ITCH: variants seen among roughly 807,000 people sequenced by gnomAD.
ITCH encodes E3 ubiquitin-protein ligase Itchy homolog.
A neutral mutation model predicts 126.8 loss-of-function variants in ITCH; 28 were observed. The ratio of observed to expected loss-of-function variants is 0.22; its 90% CI spans 0.16 to 0.30. The LOEUF (loss-of-function observed/expected upper bound fraction) is 0.30. Ranked by LOEUF, ITCH falls within the 10% of genes least tolerant of loss-of-function variation. ITCH has a pLI of 1.00. For synonymous variants in ITCH, 342 were observed against 340.0 expected, an observed-to-expected ratio of 1.01 and a Z score of -0.06; for missense variants, 631 against 1,032.4, an observed-to-expected ratio of 0.61 and a Z score of 5.33.
intron 11 of ITCH, among the ~76,000 whole-genome samples, chr20:34,448,378 G>A (rs1270431474): frequency 6.6e-6 from 1 of 151,760 alleles, no homozygotes; most frequent in South Asian, 2.1e-4. Flanking sequence ...GGGCGACAGA[G>A]TGAGACTCCA....
intron 1 of ITCH, among the ~76,000 whole-genome samples, chr20:34,366,545 C>T: frequency 6.6e-6 from 1 of 152,012 alleles, no homozygotes; most frequent in East Asian, 1.9e-4. Context: ...AAGTATAATG[C>T]TAAAAATTTG....
At chr20:34,446,911 T>C (rs1388784003) in intron 11 of ITCH, among the ~76,000 whole-genome samples, 1 of 152,336 alleles carries the variant, frequency 6.6e-6, no homozygotes, top group Admixed American at 6.5e-5. Flanking sequence ...AATACAGATA[T>C]AAAATTGCCT....
chr20:34,439,300 G>C (rs995876618), intron 8 of ITCH, among the ~76,000 whole-genome samples: 2 of 151,916 alleles, frequency 1.3e-5, no homozygotes, highest in Non-Finnish European at 2.9e-5. Flanking sequence ...TTTTGAGACA[G>C]GGTCTCACTC....
chr20:34,451,867 A>G (rs1985289567), intron 12 of ITCH, among the ~76,000 whole-genome samples: 1 of 152,060 alleles, frequency 6.6e-6, no homozygotes, highest in South Asian at 2.1e-4. Flanking sequence ...CGGGAGTTGG[A>G]GATCAGCCTG....
intron 22 of ITCH, 91 bp from the exon 23 acceptor site, chr20:34,492,406 AAAAT>A: frequency 4.5e-6 from 4 of 887,012 alleles, no homozygotes; most frequent in Middle Eastern, 6.5e-4. Flanking sequence ...ACCTCTAAAA[AAAAT>A]AAAAGATTTG....
In ITCH at chr20:34,440,617, C is replaced by T. The variant is rs571062500; in HGVS notation, c.869+273C>T. 9.2e-5 allele frequency among the ~76,000 whole-genome samples: 14 copies of T among 152,038 alleles called. No homozygotes were observed. In the South Asian group the frequency reaches 1.7e-3, roughly 18 times the overall value. ...GATTACAGGTGTGCACTACCAAGCC[C>T]GGCTAATTTTTGTATTTTTAGTAGG... is the stretch of plus-strand genomic sequence containing the variant. On this transcript the variant is annotated intron_variant, in intron 9 of 24. Transcript: ENST00000374864.
intron 10 of ITCH, among the ~76,000 whole-genome samples, chr20:34,443,889 A>G (rs1205196074): frequency 6.6e-6 from 1 of 152,100 alleles, no homozygotes; most frequent in African/African-American, 2.4e-5. Context: ...AGGAGTCTGA[A>G]GTGGGAGGAT....
intron 16 of ITCH, among the ~76,000 whole-genome samples, chr20:34,474,818 A>T (rs956401982): frequency 5.3e-5 from 8 of 151,000 alleles, no homozygotes; most frequent in African/African-American, 1.5e-4. Flanking sequence ...TCCCTCCCGG[A>T]CAGGGTGGCT....
intron 3 of ITCH, among the ~76,000 whole-genome samples, chr20:34,398,414 T>C (rs965372064): frequency 1.3e-5 from 2 of 151,904 alleles, no homozygotes; most frequent in Admixed American, 1.3e-4. Context: ...TTCTTTTTTT[T>C]TTTGAGACAG....
Position 34,510,370 on chromosome 20 carries a change from C to G in ITCH, c.*2576C>G, listed in dbSNP as rs6058068. 6.9e-6 allele frequency: 1 copy of G among 145,154 alleles called. No individual in the cohort carries two copies. The highest frequency in any genetic ancestry group is 2.6e-5 in the African/African-American group (1 of 38,886). The allele number at this position is 145,154 out of a possible 1,614,324, so 9.0% of individuals were successfully genotyped here. A position where few individuals can be genotyped will look rare whatever the true frequency, so the allele number is the denominator to read the frequency against. On this transcript the variant is annotated 3_prime_UTR_variant, in exon 25 of 25. Transcript: ENST00000374864. ...TGTAAGTATTTACTTAGAGCTTTTTCTTAAATCTGAACTAACTTGCTTTTA... is the reference window on the plus strand; with the variant it reads ...TGTAAGTATTTACTTAGAGCTTTTTGTTAAATCTGAACTAACTTGCTTTTA...
intron 16 of ITCH, among the ~76,000 whole-genome samples, chr20:34,473,674 C>CA (rs1306330308): frequency 6.6e-6 from 1 of 152,196 alleles, no homozygotes; most frequent in Non-Finnish European, 1.5e-5. Flanking sequence ...CTAGTTGAGT[C>CA]AAAACAGAGA....
At chr20:34,483,783 C>T (rs1463975430) in intron 20 of ITCH, among the ~76,000 whole-genome samples, 2 of 152,204 alleles carry the variant, frequency 1.3e-5, no homozygotes, top group Non-Finnish European at 2.9e-5. Flanking sequence ...CAGCACCCCA[C>T]TCCTGGTAAC....
At chr20:34,363,858 C>G (rs971382390) in intron 1 of ITCH, among the ~76,000 whole-genome samples, 2 of 152,168 alleles carry the variant, frequency 1.3e-5, no homozygotes, top group African/African-American at 4.8e-5. Context: ...GCTGCCTCCC[C>G]TTCTCTCTCC....
intron 3 of ITCH, among the ~76,000 whole-genome samples, chr20:34,396,905 A>G (rs1199610488): frequency 6.6e-6 from 1 of 152,032 alleles, no homozygotes; most frequent in Non-Finnish European, 1.5e-5. Context: ...GCCATCCAAT[A>G]TGTTTCATTC....
Position 34,489,254 on chromosome 20 carries a change from T to A in ITCH, c.2094-12T>A. 1.2e-6 allele frequency: 2 copies of A among 1,612,804 alleles called. No individual in the cohort carries two copies. The highest frequency in any genetic ancestry group is 1.7e-6 in the Non-Finnish European group (2 of 1,178,968). On this transcript the variant is annotated splice_polypyrimidine_tract_variant and intron_variant, in intron 20 of 24. Transcript: ENST00000374864. Reference sequence around the variant, plus strand: ...AAACTTCCTGATAGGTTTTTTCATATTTGTTTGCCAGAATGGTAGCTGAGT... The same window carrying A: ...AAACTTCCTGATAGGTTTTTTCATAATTGTTTGCCAGAATGGTAGCTGAGT...
intron 3 of ITCH, among the ~76,000 whole-genome samples, chr20:34,404,512 C>T (rs1239676161): frequency 5.3e-5 from 8 of 151,100 alleles, no homozygotes; most frequent in East Asian, 1.9e-4. Flanking sequence ...CTCTGCCTCC[C>T]GGGTTGCAGT....
At position 34,511,218 on chromosome 20, in the gene ITCH, A is replaced by C. The variant is rs1320827847; in HGVS notation, c.*3424A>C. ...AATGGAATTGGCAGCACTGGATTGT[A>C]TATTACTGTATTAAGAGTACCTTTG... On this transcript the variant is annotated 3_prime_UTR_variant, in exon 25 of 25. Transcript: ENST00000374864. 6.6e-6 allele frequency: 1 copy of C among 152,180 alleles called. No individual in the cohort carries two copies. The highest frequency in any genetic ancestry group is 1.5e-5 in the Non-Finnish European group (1 of 68,024). The allele number at this position is 152,180 out of a possible 1,614,324, so 9.4% of individuals were successfully genotyped here.
intron 11 of ITCH, among the ~76,000 whole-genome samples, chr20:34,448,076 A>G (rs1279217082): frequency 6.6e-6 from 1 of 152,238 alleles, no homozygotes; most frequent in African/African-American, 2.4e-5. Context: ...ACCACATGTC[A>G]TAATGACATT....
intron 7 of ITCH, among the ~76,000 whole-genome samples, chr20:34,427,424 GAAAAC>G (rs955919766): frequency 5.3e-5 from 8 of 152,032 alleles, no homozygotes; most frequent in African/African-American, 9.7e-5. Flanking sequence ...CATCTCTACA[GAAAAC>G]AAAACAAAAC....
Sources: allele counts gnomAD v4.1 joint callset (sites outside exome capture counted in the v4.1 genomes callset), GRCh38; gene constraint gnomAD v4.1.1; transcripts MANE v1.5; gene names NCBI Gene and HGNC (gene_info 2026-07-23, HGNC 2026-07-21).